ACACB: variants seen among roughly 807,000 people sequenced by gnomAD.
The protein encoded by ACACB is acetyl-CoA carboxylase beta.
A neutral mutation model predicts 278.8 loss-of-function variants in ACACB; 209 were observed. That is an observed-to-expected ratio of 0.75 (90% CI 0.67 to 0.84). The LOEUF (loss-of-function observed/expected upper bound fraction) is 0.84, where lower values mean the gene tolerates loss of function less well. ACACB is among the 40% of genes least tolerant of loss of function. The probability of loss-of-function intolerance (pLI) is 0.00; values close to 1 mark genes in which losing one functional copy is unlikely to be tolerated. For missense variants in ACACB, 2,850 were observed against 3,269.0 expected, an observed-to-expected ratio of 0.87 and a Z score of 3.13; for synonymous variants, 1,174 against 1,285.6, an observed-to-expected ratio of 0.91 and a Z score of 1.86.
At chr12:109,245,564 G>A in intron 37 of ACACB, 62 bp from the exon 38 acceptor site, 3 of 1,561,440 alleles carry the variant, frequency 1.9e-6, no homozygotes. Context: ...TCTCTGTCTG[G>A]GAAAGATAGT....
At chr12:109,202,384 G>A (rs1028946379) in intron 19 of ACACB, among the ~76,000 whole-genome samples, 6 of 151,828 alleles carry the variant, frequency 4.0e-5, no homozygotes, top group Admixed American at 2.6e-4. Context: ...GCGTGATCTC[G>A]ACTCACTGCA....
Position 109,265,193 on chromosome 12 carries a change from G to A in ACACB, c.7026G>A (p.Glu2342=). 1 of 1,613,826 alleles carries A rather than the reference G, an allele frequency of 6.2e-7. No individual in the cohort carries two copies. Among genetic ancestry groups the A allele is most frequent in the Non-Finnish European group, 8.5e-7 (1 of 1,180,038 alleles). ...TCCTGGAGGACCAGGTCAAGCAGGA[G>A]ATCCTGCAGGCCAGCGGGGAGCTGA... ...RLLLEDQVKQ[E]ILQASGELSH... is the part of the protein sequence containing the mutation. Residue 2342 remains glutamate (E), a synonymous_variant, in exon 51 of 53, where the codon GAG becomes GAA. Transcript: ENST00000338432.
intron 2 of ACACB, among the ~76,000 whole-genome samples, chr12:109,155,801 A>C (rs752283725): frequency 3.9e-5 from 6 of 152,102 alleles, no homozygotes; most frequent in Non-Finnish European, 7.3e-5. Flanking sequence ...TTGTTTTGTG[A>C]CACGTGAAAA....
In ACACB at chr12:109,174,824, G is replaced by A. The variant is rs1011836489; in HGVS notation, c.1216+594G>A. On this transcript the variant is annotated intron_variant, in intron 7 of 52. Coordinates refer to ENST00000338432, the MANE Select transcript of ACACB (RefSeq NM_001093.4). ...GGTCGAGGTTACAGTGAACTATGGT[G>A]GCACCACTGCACTCCAGCCTGGGTG... is the stretch of plus-strand genomic sequence containing the variant. Among the ~76,000 whole-genome samples the A allele has an allele frequency of 3.9e-5, 6 of 152,224 alleles. No individual in the cohort carries two copies. The South Asian group carries it at 1.2e-3, about 32-fold the overall frequency.
At chr12:109,168,613 T>C (rs1208423221) in intron 4 of ACACB, among the ~76,000 whole-genome samples, 1 of 151,716 alleles carries the variant, frequency 6.6e-6, no homozygotes, top group Non-Finnish European at 1.5e-5. Flanking sequence ...CCCTTGAGTT[T>C]GAGAGCAGCC....
At chr12:109,190,449 C>T (rs1033029466) in intron 13 of ACACB, among the ~76,000 whole-genome samples, 27 of 152,176 alleles carry the variant, frequency 1.8e-4, no homozygotes, top group African/African-American at 6.3e-4. Context: ...TGGGGAGAGG[C>T]AGCCATGGGG....
intron 2 of ACACB, among the ~76,000 whole-genome samples, chr12:109,165,599 G>T (rs768293452): frequency 8.5e-5 from 13 of 152,154 alleles, no homozygotes; most frequent in Non-Finnish European, 1.2e-4. Context: ...CCAGGAAAAG[G>T]CAAAAAGAAA....
At position 109,168,026 on chromosome 12, in the gene ACACB, C is replaced by A. The variant is rs1274617682; in HGVS notation, c.917C>A (p.Ala306Asp). The A allele has an allele frequency of 6.2e-7, 1 of 1,608,974 alleles. No individual in the cohort carries two copies. The highest frequency in any genetic ancestry group is 8.5e-7 in the Non-Finnish European group (1 of 1,177,034). ...VVMVTPEDLK[A>D]NAEYIKMADH... is the part of the protein sequence containing the mutation. Reference sequence around the variant, plus strand: ...ATGGTGACCCCCGAGGACCTTAAGGCCAACGCAGGTACCTGGGCCTTGACC... The same window carrying A: ...ATGGTGACCCCCGAGGACCTTAAGGACAACGCAGGTACCTGGGCCTTGACC... The change falls in exon 4 of 53, where the codon GCC becomes GAC. Residue 306 changes from alanine to aspartate, a missense_variant. Physicochemically the swap from Ala to Asp is moderately radical, Grantham distance 126. Transcript: ENST00000338432.
chr12:109,157,855 G>A (rs752171304), intron 2 of ACACB, among the ~76,000 whole-genome samples: 1 of 152,146 alleles, frequency 6.6e-6, no homozygotes, highest in Admixed American at 6.5e-5. Flanking sequence ...AGTGCAGAAG[G>A]GCTTGAAATA....
chr12:109,179,048 T>C (rs1261925307), intron 9 of ACACB, 40 bp from the exon 10 acceptor site: 13 of 1,586,220 alleles, frequency 8.2e-6, no homozygotes, highest in Non-Finnish European at 1.1e-5. Flanking sequence ...CCAGAGCTGG[T>C]TTCCCCATGA....
intron 1 of ACACB, chr12:109,125,212 C>T (rs2042650223): frequency 6.6e-6 from 1 of 152,132 alleles, no homozygotes; most frequent in Admixed American, 6.6e-5. Flanking sequence ...AGGGGTGTTA[C>T]GACCTTATGG....
chr12:109,198,009 C>A (rs1463836862), intron 17 of ACACB, among the ~76,000 whole-genome samples: 1 of 152,142 alleles, frequency 6.6e-6, no homozygotes, highest in Non-Finnish European at 1.5e-5. Flanking sequence ...ATGATCCCCC[C>A]ACCTCAGTCC....
At chr12:109,199,013 C>T (rs771835488) in intron 17 of ACACB, among the ~76,000 whole-genome samples, 13 of 151,734 alleles carry the variant, frequency 8.6e-5, no homozygotes, top group African/African-American at 3.1e-4. Flanking sequence ...TGGTGAAACC[C>T]CATCTTTACT....
At chr12:109,252,194 G>A (rs1322088424) in intron 42 of ACACB, 38 bp downstream of exon 42, 1 of 1,417,930 alleles carries the variant, frequency 7.1e-7, no homozygotes. Context: ...GGATCCTTGG[G>A]GGCCAGGAGT....
At position 109,180,107 on chromosome 12, in the gene ACACB, G is replaced by A; in HGVS notation, c.1818+20G>A. The stretch of plus-strand genomic sequence containing the variant: ...CTACAGGTGAGAAAATGGGCTTGGG[G>A]CCCTGGGACTTCTCTGCCCTGGGTC... On this transcript the variant is annotated intron_variant, in intron 11 of 52. Transcript: ENST00000338432. 6.2e-7 allele frequency: 1 copy of A among 1,605,706 alleles called. No individual in the cohort carries two copies. The highest frequency in any genetic ancestry group is 8.5e-7 in the Non-Finnish European group (1 of 1,174,666).
At chr12:109,186,044 C>T (rs552061598) in intron 12 of ACACB, among the ~76,000 whole-genome samples, 6 of 152,280 alleles carry the variant, frequency 3.9e-5, no homozygotes, top group Non-Finnish European at 5.9e-5. Context: ...GATTCTCCTG[C>T]CTCAGTCTCC....
Position 109,209,985 on chromosome 12 carries a change from GTGTGTATATA to G in ACACB, c.3249+642_3249+651del, listed in dbSNP as rs1268194195. Among the ~76,000 whole-genome samples the G allele has an allele frequency of 1.7e-4, 14 of 82,872 alleles. 3 individuals are homozygous for G. Among genetic ancestry groups the G allele is most frequent in the African/African-American group, 7.7e-4 (12 of 15,558 alleles). 54.4% of individuals were successfully genotyped at this position (82,872 alleles called of 152,430 possible). A position where few individuals can be genotyped will look rare whatever the true frequency, so the allele number is the denominator to read the frequency against. ...TGTGTATACACACATACACACACGT[GTGTGTATATA>G]TGTGTATATGTGTATATATACACAC... On this transcript the variant is annotated intron_variant, in intron 21 of 52. Transcript: ENST00000338432.
At chr12:109,162,405 G>C (rs944324409) in intron 2 of ACACB, among the ~76,000 whole-genome samples, 17 of 152,196 alleles carry the variant, frequency 1.1e-4, no homozygotes, top group African/African-American at 2.6e-4. Flanking sequence ...CCCCCAAAAG[G>C]CATAGTGTCT....
Position 109,246,339 on chromosome 12 carries a change from G to A in ACACB, c.5462G>A (p.Gly1821Asp), listed in dbSNP as rs1426277634. Reference sequence around the variant, plus strand: ...GCATCCGAGATGGCCCGGGCAGAGGGCATTCCCAAAATTTACGTGGCAGCC... The same window carrying A: ...GCATCCGAGATGGCCCGGGCAGAGGACATTCCCAAAATTTACGTGGCAGCC... ...LRASEMARAE[G>D]IPKIYVAANS... The change falls in exon 39 of 53, where the codon GGC becomes GAC. Residue 1821 changes from glycine to aspartate, a missense_variant. Physicochemically the swap from Gly to Asp is moderately conservative, Grantham distance 94. This residue lies in a region of ACACB where 2,265 missense variants were observed against 2,561.3 expected (regional missense o/e 0.88). Transcript: ENST00000338432. The A allele has an allele frequency of 2.8e-5, 45 of 1,612,950 alleles. No homozygotes were observed. Among genetic ancestry groups the A allele is most frequent in the Non-Finnish European group, 3.7e-5 (44 of 1,179,850 alleles).
Sources: allele counts gnomAD v4.1 joint callset (sites outside exome capture counted in the v4.1 genomes callset), GRCh38; gene constraint gnomAD v4.1.1; regional missense constraint gnomAD v4.1.1; transcripts MANE v1.5; gene names NCBI Gene and HGNC (gene_info 2026-07-23, HGNC 2026-07-21).